SEMA3D: variants seen among roughly 807,000 people sequenced by gnomAD.
SEMA3D encodes the protein semaphorin-3D.
In SEMA3D, 84 loss-of-function variants were observed where a neutral mutation model predicts 100.1. That is an observed-to-expected ratio of 0.84 (90% CI 0.70 to 1.01). The LOEUF (loss-of-function observed/expected upper bound fraction) is 1.01, where lower values mean the gene tolerates loss of function less well. Ranked by LOEUF, SEMA3D falls within the 50% of genes least tolerant of loss-of-function variation. The probability of loss-of-function intolerance (pLI) is 0.00; values close to 1 mark genes in which losing one functional copy is unlikely to be tolerated. For synonymous variants in SEMA3D, 312 were observed against 320.7 expected, an observed-to-expected ratio of 0.97 and a Z score of 0.29; for missense variants, 875 against 934.1, an observed-to-expected ratio of 0.94 and a Z score of 0.82.
chr7:85,147,092 C>CTTTTTTTTTTTTTTTTTTTTTTTTTTTTT lies in SEMA3D; in HGVS notation c.-41+6515_-41+6516insAAAAAAAAAAAAAAAAAAAAAAAAAAAAA, dbSNP rs752922884. On this transcript the variant is annotated intron_variant, in intron 2 of 18. Coordinates refer to ENST00000284136, the MANE Select transcript of SEMA3D (RefSeq NM_001384900.1). ...TCTTTCTTTCTTTTCTTTTTCTTTT[C>CTTTTTTTTTTTTTTTTTTTTTTTTTTTTT]TTTTTTTTTTTTTTTTTTTTTTTTT... 5.4e-4 allele frequency among the ~76,000 whole-genome samples: 26 copies of CTTTTTTTTTTTTTTTTTTTTTTTTTTTTT among 48,152 alleles called. 2 individuals carry two copies. The highest frequency in any genetic ancestry group is 1.2e-3 in the East Asian group (3 of 2,524). 31.6% of individuals were successfully genotyped at this position (48,152 alleles called of 152,430 possible).
At position 85,118,874 on chromosome 7, in the gene SEMA3D, G is replaced by A. The variant is rs190251448; in HGVS notation, c.151+2867C>T. The stretch of plus-strand genomic sequence containing the variant: ...TTCATGAACTCTTTGCCCATGTGCT[G>A]AATGGTATTGCTTAGGTTGTCTTTC... On this transcript the variant is annotated intron_variant, in intron 3 of 18. Coordinates refer to ENST00000284136, the MANE Select transcript of SEMA3D (RefSeq NM_001384900.1). Among the ~76,000 whole-genome samples the A allele has an allele frequency of 1.6e-3, 250 of 152,140 alleles. 2 individuals carry two copies. The highest frequency in any genetic ancestry group is 5.7e-3 in the African/African-American group (236 of 41,518).
chr7:85,096,788 G>A (rs959277739), intron 4 of SEMA3D, among the ~76,000 whole-genome samples: 3 of 151,738 alleles, frequency 2.0e-5, no homozygotes, highest in Non-Finnish European at 4.4e-5. Context: ...ACTGATATTT[G>A]GCTATTAAAT....
intron 1 of SEMA3D, among the ~76,000 whole-genome samples, chr7:85,169,651 A>G (rs1791029933): frequency 2.0e-5 from 3 of 151,864 alleles, no homozygotes. Flanking sequence ...TTCTGATTCT[A>G]ACAAAAATTG....
rs1214954964 is a variant in SEMA3D at position 84,997,308 on chromosome 7, A to T, written c.*2132T>A. On this transcript the variant is annotated 3_prime_UTR_variant, in exon 19 of 19. Transcript: ENST00000284136. ...CTGTCGGACCCACAAATATTTGGAAATTTTTTTTAAATTAAAAATGTTCCC... is the reference window on the plus strand; with the variant it reads ...CTGTCGGACCCACAAATATTTGGAATTTTTTTTTAAATTAAAAATGTTCCC... 2.0e-5 allele frequency: 3 copies of T among 151,956 alleles called. No individual in the cohort carries two copies. Among genetic ancestry groups the T allele is most frequent in the African/African-American group, 7.2e-5 (3 of 41,418 alleles). The allele number at this position is 151,956 out of a possible 1,614,324, so 9.4% of individuals were successfully genotyped here. A position where few individuals can be genotyped will look rare whatever the true frequency, so the allele number is the denominator to read the frequency against.
At chr7:85,052,017 G>A (rs551003037) in intron 9 of SEMA3D, among the ~76,000 whole-genome samples, 2 of 152,018 alleles carry the variant, frequency 1.3e-5, no homozygotes, top group South Asian at 4.1e-4. Context: ...GTCATTATAA[G>A]AGTGCTCTAT....
chr7:85,230,173 T>C, the SEMA3D span, among the ~76,000 whole-genome samples: 5 of 148,932 alleles, frequency 3.4e-5, no homozygotes, highest in Admixed American at 3.3e-4. Context: ...TTGAATCAGA[T>C]TTTTGCTACC....
intron 4 of SEMA3D, among the ~76,000 whole-genome samples, chr7:85,094,253 C>T (rs1349612506): frequency 6.6e-6 from 1 of 151,878 alleles, no homozygotes; most frequent in Non-Finnish European, 1.5e-5. Context: ...TACTAAGAAG[C>T]CTGGAGTTTA....
intron 12 of SEMA3D, among the ~76,000 whole-genome samples, chr7:85,027,335 G>A (rs1367074992): frequency 2.0e-5 from 3 of 151,966 alleles, no homozygotes; most frequent in Non-Finnish European, 4.4e-5. Flanking sequence ...CAAGTTTGGA[G>A]GTTTTATCTT....
At chr7:85,203,071 AT>A in the SEMA3D span, among the ~76,000 whole-genome samples, 1 of 152,202 alleles carries the variant, frequency 6.6e-6, no homozygotes, top group Non-Finnish European at 1.5e-5. Flanking sequence ...GAAGTAGATG[AT>A]TTGTCATGAG....
At chr7:85,084,359 G>A (rs1346807296) in intron 4 of SEMA3D, among the ~76,000 whole-genome samples, 1 of 152,016 alleles carries the variant, frequency 6.6e-6, no homozygotes, top group East Asian at 1.9e-4. Flanking sequence ...TTACATTGTT[G>A]TGCAGCCAAT....
chr7:85,064,059 T>C (rs1268470050), intron 8 of SEMA3D, among the ~76,000 whole-genome samples: 1 of 152,224 alleles, frequency 6.6e-6, no homozygotes, highest in Admixed American at 6.5e-5. Flanking sequence ...CAAATAATAA[T>C]TGAATGCATA....
At chr7:85,007,392 G>A (rs1176859371) in intron 17 of SEMA3D, among the ~76,000 whole-genome samples, 1 of 151,694 alleles carries the variant, frequency 6.6e-6, no homozygotes, top group East Asian at 1.9e-4. Context: ...TCAGATAACA[G>A]AAAATTTTGA....
intron 1 of SEMA3D, among the ~76,000 whole-genome samples, chr7:85,181,319 A>AACACACACACAC (rs3076567): frequency 2.2e-4 from 21 of 93,678 alleles, no homozygotes; most frequent in African/African-American, 8.5e-4. Context: ...ACATGCTCAC[A>AACACACACACAC]ACACACACAC....
intron 12 of SEMA3D, 77 bp from the exon 13 acceptor site, chr7:85,022,690 G>A: frequency 1.1e-6 from 1 of 891,904 alleles, no homozygotes; most frequent in Admixed American, 1.8e-5. Flanking sequence ...AATAAAATTT[G>A]TATAGCTTAT....
chr7:85,062,929 T>A (rs1407086689), intron 8 of SEMA3D, among the ~76,000 whole-genome samples: 1 of 151,904 alleles, frequency 6.6e-6, no homozygotes, highest in African/African-American at 2.4e-5. Flanking sequence ...AGGCAGTCAA[T>A]AATACAAAAT....
rs868820335 is a variant in SEMA3D at position 85,161,563 on chromosome 7, C to T, written c.-172-7824G>A. Among the ~76,000 whole-genome samples the T allele has an allele frequency of 3.3e-5, 5 of 151,880 alleles. No individual in the cohort carries two copies. In the South Asian group the frequency reaches 6.2e-4, roughly 19 times the overall value. On this transcript the variant is annotated intron_variant, in intron 1 of 18. Transcript: ENST00000284136. ...TGAGGATGGTTGCGGGTGGAGTAGG[C>T]GGGGAGAGTTGCAAGAAGCAGGAAG...
intron 6 of SEMA3D, among the ~76,000 whole-genome samples, chr7:85,069,529 T>C (rs1321697810): frequency 6.6e-6 from 1 of 152,202 alleles, no homozygotes; most frequent in South Asian, 2.1e-4. Context: ...GATGATTCCA[T>C]GTGCTTCCTG....
chr7:85,102,547 A>T (rs530738553), intron 3 of SEMA3D, among the ~76,000 whole-genome samples: 2 of 152,148 alleles, frequency 1.3e-5, no homozygotes, highest in African/African-American at 4.8e-5. Flanking sequence ...CTATGATGGC[A>T]GGTTGAAGAT....
intron 8 of SEMA3D, 36 bp downstream of exon 8, chr7:85,065,388 A>AAGAC: frequency 6.2e-7 from 1 of 1,601,522 alleles, no homozygotes; most frequent in Non-Finnish European, 8.5e-7. Context: ...AAACCAAAGC[A>AAGAC]AGACAATCAA....
Sources: allele counts gnomAD v4.1 joint callset (sites outside exome capture counted in the v4.1 genomes callset), GRCh38; gene constraint gnomAD v4.1.1; transcripts MANE v1.5; gene names NCBI Gene and HGNC (gene_info 2026-07-23, HGNC 2026-07-21).